The following SLC24A2 variants were observed in gnomAD, a reference collection of about 807,000 sequenced individuals.
SLC24A2 encodes sodium/potassium/calcium exchanger 2.
A neutral mutation model predicts 62.0 loss-of-function variants in SLC24A2; 36 were observed. The ratio of observed to expected loss-of-function variants is 0.58; its 90% CI spans 0.44 to 0.77. SLC24A2 has a LOEUF of 0.77. SLC24A2 is among the 30% of genes least tolerant of loss of function. The pLI is 0.00. For missense variants in SLC24A2, 846 were observed against 817.9 expected (o/e 1.03, Z -0.42); for synonymous variants, 358 against 294.0 (o/e 1.22, Z -2.23).
At chr9:19,966,212 ATATTT>A in the SLC24A2 span, among the ~76,000 whole-genome samples, 3 of 152,086 alleles carry the variant, frequency 2.0e-5, no homozygotes, top group Non-Finnish European at 4.4e-5. Context: ...ATCAAACAGG[ATATTT>A]TTGTGTATTT....
At chr9:19,961,022 G>GT in the SLC24A2 span, among the ~76,000 whole-genome samples, 33,996 of 136,712 alleles carry the variant, frequency 0.25, 4,651 homozygotes, top group Admixed American at 0.39. Context: ...TTAGAGGGGT[G>GT]GGTGTGTGTG....
intron 5 of SLC24A2, among the ~76,000 whole-genome samples, chr9:19,588,509 A>G (rs2132879324): frequency 6.6e-6 from 1 of 152,300 alleles, no homozygotes; most frequent in South Asian, 2.1e-4. Context: ...TAGAGAGGTC[A>G]AATACCTCTA....
At chr9:20,106,126 C>T in the SLC24A2 span, among the ~76,000 whole-genome samples, 20 of 152,188 alleles carry the variant, frequency 1.3e-4, no homozygotes, top group Non-Finnish European at 2.8e-4. Flanking sequence ...TTGACACTTA[C>T]ACCCTCCCAA....
chr9:19,664,632 A>C (rs1315584766), intron 2 of SLC24A2, among the ~76,000 whole-genome samples: 1 of 152,202 alleles, frequency 6.6e-6, no homozygotes, highest in Non-Finnish European at 1.5e-5. Flanking sequence ...TGAAGATGTA[A>C]TGAAGTTGAG....
At chr9:19,849,416 A>T in the SLC24A2 span, among the ~76,000 whole-genome samples, 1 of 152,202 alleles carries the variant, frequency 6.6e-6, no homozygotes, top group Non-Finnish European at 1.5e-5. Context: ...TGTTCAACTC[A>T]ATTTAAAAGT....
At position 19,516,139 on chromosome 9, in the gene SLC24A2, T is replaced by G; in HGVS notation, c.*14A>C. On this transcript the variant is annotated 3_prime_UTR_variant, in exon 11 of 11. Transcript: ENST00000341998. ...GACCATTCATGCTGCTGGTGCAAGA[T>G]ATGGCTTTTCCTGCTAGATGGAGAC... 6.2e-7 allele frequency: 1 copy of G among 1,614,006 alleles called. No homozygotes were observed. The highest frequency in any genetic ancestry group is 8.5e-7 in the Non-Finnish European group (1 of 1,179,960).
chr9:19,816,309 TA>T, the SLC24A2 span, among the ~76,000 whole-genome samples: 4 of 152,068 alleles, frequency 2.6e-5, no homozygotes, highest in African/African-American at 7.2e-5. Context: ...GAAAGAAAGA[TA>T]AAGAAAGCAT....
intron 4 of SLC24A2, among the ~76,000 whole-genome samples, chr9:19,610,136 A>C (rs1271694405): frequency 6.6e-6 from 1 of 152,212 alleles, no homozygotes; most frequent in Non-Finnish European, 1.5e-5. Flanking sequence ...TAGTGCATGA[A>C]TTTATTAAAT....
chr9:19,757,478 A>T (rs1351462978), intron 2 of SLC24A2, among the ~76,000 whole-genome samples: 1 of 152,138 alleles, frequency 6.6e-6, no homozygotes, highest in Non-Finnish European at 1.5e-5. Context: ...TTCACCTAAA[A>T]TTCTAGAAGG....
chr9:19,822,692 T>C, the SLC24A2 span, among the ~76,000 whole-genome samples: 1 of 152,182 alleles, frequency 6.6e-6, no homozygotes, highest in Admixed American at 6.5e-5. Context: ...TGAGACGATG[T>C]GATTGCATAG....
chr9:20,084,393 A>C, the SLC24A2 span, among the ~76,000 whole-genome samples: 1 of 152,130 alleles, frequency 6.6e-6, no homozygotes, highest in African/African-American at 2.4e-5. Context: ...GAAATTGGCC[A>C]TAACAATTGG....
the SLC24A2 span, among the ~76,000 whole-genome samples, chr9:20,110,608 G>A: frequency 6.6e-6 from 1 of 152,072 alleles, no homozygotes; most frequent in East Asian, 1.9e-4. Flanking sequence ...GCCACCCAGA[G>A]TCAGTAAAAG....
At chr9:19,690,043 G>C (rs1819998752) in intron 2 of SLC24A2, among the ~76,000 whole-genome samples, 1 of 152,092 alleles carries the variant, frequency 6.6e-6, no homozygotes, top group African/African-American at 2.4e-5. Context: ...TTTCCAGACA[G>C]ACACCAGCTT....
the SLC24A2 span, among the ~76,000 whole-genome samples, chr9:20,185,463 A>G: frequency 6.6e-6 from 1 of 152,128 alleles, no homozygotes; most frequent in Non-Finnish European, 1.5e-5. Context: ...CAGGAGATCT[A>G]GACCATCCTG....
chr9:20,056,124 T>C, the SLC24A2 span, among the ~76,000 whole-genome samples: 4 of 152,254 alleles, frequency 2.6e-5, no homozygotes, highest in South Asian at 4.1e-4. Context: ...ACATGAGAAG[T>C]TGTGGGATTT....
At chr9:20,199,694 G>C in the SLC24A2 span, among the ~76,000 whole-genome samples, 1 of 151,580 alleles carries the variant, frequency 6.6e-6, no homozygotes, top group African/African-American at 2.4e-5. Flanking sequence ...CTGATATTCT[G>C]ATATCTGGGT....
chr9:20,088,599 C>T, the SLC24A2 span, among the ~76,000 whole-genome samples: 1 of 152,202 alleles, frequency 6.6e-6, no homozygotes, highest in African/African-American at 2.4e-5. Flanking sequence ...ACCATCTTCG[C>T]TGTTTTGCAT....
the SLC24A2 span, among the ~76,000 whole-genome samples, chr9:20,143,090 G>T: frequency 1.3e-5 from 2 of 152,208 alleles, no homozygotes; most frequent in African/African-American, 2.4e-5. Flanking sequence ...TCAAATGTAG[G>T]TCTGCTGATT....
the SLC24A2 span, among the ~76,000 whole-genome samples, chr9:20,078,230 A>C: frequency 1.3e-5 from 2 of 152,272 alleles, no homozygotes; most frequent in Admixed American, 1.3e-4. Context: ...AAGTGGGAGC[A>C]ACTCTGAGCA....
Sources: allele counts gnomAD v4.1 joint callset (sites outside exome capture counted in the v4.1 genomes callset), GRCh38; gene constraint gnomAD v4.1.1; transcripts MANE v1.5; gene names NCBI Gene and HGNC (gene_info 2026-07-23, HGNC 2026-07-21).